EBF2: variants seen among roughly 807,000 people sequenced by gnomAD.
The protein encoded by EBF2 is EBF transcription factor 2.
Under a neutral mutation model 72.8 loss-of-function variants are expected in EBF2, and 21 were observed. The ratio of observed to expected loss-of-function variants is 0.29; its 90% confidence interval spans 0.20 to 0.42. The LOEUF is 0.42. EBF2 is among the 10% of genes least tolerant of loss of function. The probability of loss-of-function intolerance (pLI) is 1.00; values close to 1 mark genes in which losing one functional copy is unlikely to be tolerated. For synonymous variants in EBF2, 299 were observed against 274.2 expected (o/e 1.09, Z -0.89); for missense variants, 637 against 731.2 (o/e 0.87, Z 1.49).
At chr8:25,955,541 T>A (rs1048519295) in intron 6 of EBF2, among the ~76,000 whole-genome samples, 10 of 152,162 alleles carry the variant, frequency 6.6e-5, no homozygotes, top group Non-Finnish European at 2.9e-5. Flanking sequence ...ATAAAAAAAA[T>A]GAAAACGGAT....
At chr8:25,948,956 G>T (rs931966567) in intron 6 of EBF2, among the ~76,000 whole-genome samples, 1 of 152,050 alleles carries the variant, frequency 6.6e-6, no homozygotes, top group Non-Finnish European at 1.5e-5. Context: ...CCAAATACAC[G>T]CCAAAAATCA....
chr8:25,997,979 C>A (rs2117216876), intron 6 of EBF2, among the ~76,000 whole-genome samples: 1 of 151,850 alleles, frequency 6.6e-6, no homozygotes, highest in South Asian at 2.1e-4. Flanking sequence ...ATTAGAATTC[C>A]AAGGATAAAT....
chr8:25,866,509 G>A, intron 10 of EBF2, among the ~76,000 whole-genome samples: 1 of 134,204 alleles, frequency 7.5e-6, no homozygotes, highest in South Asian at 2.3e-4. Context: ...TAATATATAG[G>A]ACATATATAA....
At position 25,858,423 on chromosome 8, in the gene EBF2, G is replaced by A. The variant is rs200719232; in HGVS notation, c.1424C>T (p.Ser475Phe). ...GCTGTAGCCATTCATACTGTTGCTG[G>A]AGGTACTGTAATTAGACTGTTGAGG... ...STPQQSNYST[S>F]SNSMNGYSNV... Residue 475 changes from serine (S) to phenylalanine (F), a missense_variant, in exon 14 of 16, where the codon TCC becomes TTC. Ser to Phe is a radical substitution (Grantham distance 155). Coordinates refer to ENST00000520164, the MANE Select transcript of EBF2 (RefSeq NM_022659.4). 1 of 1,614,140 alleles carries A rather than the reference G, an allele frequency of 6.2e-7. No homozygotes were observed. The highest frequency in any genetic ancestry group is 8.5e-7 in the Non-Finnish European group (1 of 1,180,028).
At chr8:25,869,341 A>G (rs1308354831) in intron 10 of EBF2, among the ~76,000 whole-genome samples, 1 of 152,090 alleles carries the variant, frequency 6.6e-6, no homozygotes, top group African/African-American at 2.4e-5. Context: ...GGGGAGCCTC[A>G]GGGTGGTTGT....
chr8:25,935,161 T>C (rs977500137), intron 6 of EBF2, among the ~76,000 whole-genome samples: 3 of 151,932 alleles, frequency 2.0e-5, no homozygotes, highest in African/African-American at 4.8e-5. Flanking sequence ...CTAACAGTTA[T>C]GCATCAGGAA....
chr8:26,026,103 G>T lies in EBF2; in HGVS notation c.551+6982C>A, dbSNP rs1805298879. ...GAGGAGGGAGGATCACTTAAGCCCA[G>T]GAGTTTGAGATTGCAGTGGGCTATG... is the stretch of plus-strand genomic sequence containing the variant. On this transcript the variant is annotated intron_variant, in intron 6 of 15. Coordinates refer to ENST00000520164, the MANE Select transcript of EBF2 (RefSeq NM_022659.4). Among the ~76,000 whole-genome samples, 3 of 152,194 alleles carry T rather than the reference G, an allele frequency of 2.0e-5. No homozygotes were observed. The South Asian group carries it at 6.2e-4, about 32-fold the overall frequency.
Position 25,997,571 on chromosome 8 carries a change from C to CA in EBF2, c.551+35513dup, listed in dbSNP as rs11302993. Among the ~76,000 whole-genome samples the CA allele has an allele frequency of 8.6e-3, 1,116 of 130,154 alleles. 16 individuals are homozygous for CA. The highest frequency in any genetic ancestry group is 0.026 in the African/African-American group (877 of 33,460). 85.4% of individuals were successfully genotyped at this position (130,154 alleles called of 152,430 possible). A position where few individuals can be genotyped will look rare whatever the true frequency, so the allele number is the denominator to read the frequency against. On this transcript the variant is annotated intron_variant, in intron 6 of 15. Transcript: ENST00000520164. ...TGGGCAACAGAACCAGATCCTATCT[C>CA]AAAAAAAAAAAAAAAAAGTAATCAA...
At chr8:25,899,837 G>A (rs1033215338) in intron 7 of EBF2, among the ~76,000 whole-genome samples, 1 of 144,566 alleles carries the variant, frequency 6.9e-6, no homozygotes, top group Non-Finnish European at 1.6e-5. Context: ...ACAGGCACGA[G>A]GCCTCTCACA....
intron 6 of EBF2, among the ~76,000 whole-genome samples, chr8:25,966,524 T>C (rs1227342786): frequency 6.6e-6 from 1 of 152,216 alleles, no homozygotes; most frequent in Non-Finnish European, 1.5e-5. Context: ...GTAAATGCAA[T>C]CTGAGAGATT....
intron 5 of EBF2, among the ~76,000 whole-genome samples, chr8:26,036,774 G>C (rs1805507956): frequency 1.3e-5 from 2 of 152,134 alleles, no homozygotes; most frequent in South Asian, 4.1e-4. Flanking sequence ...TGTAAACAAA[G>C]CCTGAGTGAC....
chr8:25,928,374 T>C lies in EBF2; in HGVS notation c.552-19819A>G, dbSNP rs555710820. Among the ~76,000 whole-genome samples the C allele has an allele frequency of 2.0e-4, 30 of 152,304 alleles. No individual in the cohort carries two copies. In the East Asian group the frequency reaches 5.8e-3, roughly 29 times the overall value. The stretch of plus-strand genomic sequence containing the variant: ...AGAGAACCCATGCAGATCTTTCATA[T>C]GCTCCCATCTGACTCATTCCCTGTC... On this transcript the variant is annotated intron_variant, in intron 6 of 15. Transcript: ENST00000520164.
At chr8:25,971,238 C>G (rs955993537) in intron 6 of EBF2, among the ~76,000 whole-genome samples, 1 of 152,168 alleles carries the variant, frequency 6.6e-6, no homozygotes, top group African/African-American at 2.4e-5. Flanking sequence ...ATTCCTCCCA[C>G]CAAAAGCCAG....
intron 6 of EBF2, among the ~76,000 whole-genome samples, chr8:25,966,115 C>G (rs1804110937): frequency 6.6e-6 from 1 of 152,222 alleles, no homozygotes; most frequent in African/African-American, 2.4e-5. Context: ...GCAGGCCAGG[C>G]TGGCTCCTTC....
At chr8:25,979,764 A>G (rs1804328521) in intron 6 of EBF2, among the ~76,000 whole-genome samples, 1 of 152,094 alleles carries the variant, frequency 6.6e-6, no homozygotes, top group South Asian at 2.1e-4. Context: ...TCTTTTTATT[A>G]TACGATGGGC....
chr8:25,913,162 G>C (rs773748990), intron 6 of EBF2, among the ~76,000 whole-genome samples: 1 of 152,112 alleles, frequency 6.6e-6, no homozygotes, highest in South Asian at 2.1e-4. Flanking sequence ...AGTCCATAAG[G>C]CCAGGTGCGG....
chr8:26,018,048 A>T (rs1397315873), intron 6 of EBF2, among the ~76,000 whole-genome samples: 1 of 152,152 alleles, frequency 6.6e-6, no homozygotes, highest in African/African-American at 2.4e-5. Context: ...GGAAAAAAAA[A>T]ATCTTACAGC....
At chr8:26,021,837 AC>A (rs1805207559) in intron 6 of EBF2, among the ~76,000 whole-genome samples, 2 of 152,220 alleles carry the variant, frequency 1.3e-5, no homozygotes, top group Admixed American at 1.3e-4. Context: ...GAGTAAGCAA[AC>A]CCGTGCTGAT....
At chr8:25,888,866 T>C (rs989927214) in intron 8 of EBF2, among the ~76,000 whole-genome samples, 2 of 152,172 alleles carry the variant, frequency 1.3e-5, no homozygotes, top group Admixed American at 1.3e-4. Context: ...GTCAATCACA[T>C]CCAATCAGTC....
Sources: allele counts gnomAD v4.1 joint callset (sites outside exome capture counted in the v4.1 genomes callset), GRCh38; gene constraint gnomAD v4.1.1; transcripts MANE v1.5; gene names NCBI Gene and HGNC (gene_info 2026-07-23, HGNC 2026-07-21).